Variants in TENM3 observed in about 807,000 individuals in gnomAD.
TENM3 encodes teneurin transmembrane protein 3.
TENM3 carries 63 observed loss-of-function variants against 255.1 expected under a neutral mutation model. That is an observed-to-expected ratio of 0.25 (90% CI 0.20 to 0.30). TENM3 has a LOEUF of 0.30. Among genes scored for constraint, TENM3 ranks in the 10% least tolerant of loss-of-function variants. The probability of loss-of-function intolerance (pLI) is 1.00; values close to 1 mark genes in which losing one functional copy is unlikely to be tolerated. For synonymous variants in TENM3, 1,306 were observed against 1,322.3 expected (o/e 0.99, Z 0.27); for missense variants, 2,929 against 3,461.1 (o/e 0.85, Z 3.86).
chr4:182,158,125 C>T (rs146080866), intron 1 of TENM3, among the ~76,000 whole-genome samples: 6 of 152,252 alleles, frequency 3.9e-5, no homozygotes, highest in African/African-American at 9.6e-5. Flanking sequence ...AAAGGGCACA[C>T]GCTTTCTCCA....
At chr4:182,494,337 A>G (rs1352770311) in intron 3 of TENM3, among the ~76,000 whole-genome samples, 1 of 152,296 alleles carries the variant, frequency 6.6e-6, no homozygotes, top group East Asian at 1.9e-4. Flanking sequence ...AATAAAGTGC[A>G]TACAGTACAG....
the TENM3 span, among the ~76,000 whole-genome samples, chr4:181,469,088 C>T: frequency 1.3e-5 from 2 of 152,096 alleles, no homozygotes; most frequent in Admixed American, 6.6e-5. Context: ...ATTTTTTGAT[C>T]GAGTGGCTTT....
chr4:181,985,661 G>A, the TENM3 span, among the ~76,000 whole-genome samples: 1 of 152,138 alleles, frequency 6.6e-6, no homozygotes, highest in East Asian at 1.9e-4. Context: ...TTAGCAAATC[G>A]AATTTTTGTC....
At chr4:182,207,005 T>G (rs1305973456) in intron 1 of TENM3, among the ~76,000 whole-genome samples, 3 of 152,226 alleles carry the variant, frequency 2.0e-5, no homozygotes, top group Non-Finnish European at 4.4e-5. Flanking sequence ...CTAAATCATC[T>G]GGCAAATGGT....
chr4:182,724,565 A>T (rs1282878908), intron 13 of TENM3, among the ~76,000 whole-genome samples: 1 of 152,206 alleles, frequency 6.6e-6, no homozygotes, highest in African/African-American at 2.4e-5. Context: ...TTTCCAACTG[A>T]TTAGTTCAGA....
chr4:182,253,548 T>C (rs1758179718), intron 1 of TENM3, among the ~76,000 whole-genome samples: 1 of 152,210 alleles, frequency 6.6e-6, no homozygotes, highest in South Asian at 2.1e-4. Context: ...TCAGGCTGAA[T>C]AGACCACTTT....
upstream of TENM3, chr4:182,143,364 C>G (rs1220609637): frequency 6.0e-6 from 1 of 166,954 alleles, no homozygotes; most frequent in African/African-American, 2.4e-5. The surrounding 1 kb of genome is among the most constrained non-coding windows in gnomAD (Gnocchi z 4.3). Flanking sequence ...GCTTTTCGGT[C>G]TCGGACGAAA....
chr4:181,546,643 G>A, the TENM3 span, among the ~76,000 whole-genome samples: 2,532 of 137,778 alleles, frequency 0.018, 43 homozygotes, highest in South Asian at 0.059. Flanking sequence ...GAACCCGGGA[G>A]GCAGAGCTTG....
the TENM3 span, among the ~76,000 whole-genome samples, chr4:181,684,167 G>T: frequency 1.3e-5 from 2 of 152,090 alleles, no homozygotes; most frequent in East Asian, 3.9e-4. Flanking sequence ...TTTAACCTGC[G>T]TCCCAGATCC....
intron 1 of TENM3, among the ~76,000 whole-genome samples, chr4:182,299,990 A>C (rs374880036): frequency 6.6e-5 from 10 of 150,790 alleles, no homozygotes; most frequent in African/African-American, 2.4e-4. Flanking sequence ...ATCTTGGCTT[A>C]ATGCGGCCTC....
intron 1 of TENM3, among the ~76,000 whole-genome samples, chr4:182,270,192 G>A (rs1363083448): frequency 1.3e-5 from 2 of 152,116 alleles, no homozygotes; most frequent in Non-Finnish European, 2.9e-5. Flanking sequence ...TGTCTCTTCA[G>A]ACCTTAGAAG....
the TENM3 span, among the ~76,000 whole-genome samples, chr4:181,464,640 T>A: frequency 6.6e-6 from 1 of 152,154 alleles, no homozygotes; most frequent in Non-Finnish European, 1.5e-5. Context: ...GAAGCATATT[T>A]TTTTTTCAAT....
the TENM3 span, among the ~76,000 whole-genome samples, chr4:181,546,452 A>C: frequency 4.0e-5 from 6 of 150,640 alleles, no homozygotes; most frequent in African/African-American, 1.5e-4. Flanking sequence ...GCGGTGGCTC[A>C]CGCCTGTAAT....
chr4:181,452,764 A>G, the TENM3 span, among the ~76,000 whole-genome samples: 138 of 152,206 alleles, frequency 9.1e-4, no homozygotes, highest in Non-Finnish European at 1.6e-3. Flanking sequence ...GCATAGTCCT[A>G]AAAAGGAAAA....
chr4:181,630,141 G>T, the TENM3 span, among the ~76,000 whole-genome samples: 26,593 of 152,036 alleles, frequency 0.17, 2,470 homozygotes, highest in South Asian at 0.26. Context: ...GTTTATAGTA[G>T]TCTCTGATGG....
intron 19 of TENM3, among the ~76,000 whole-genome samples, chr4:182,745,998 A>G (rs1438445097): frequency 6.6e-6 from 1 of 152,192 alleles, no homozygotes; most frequent in Non-Finnish European, 1.5e-5. Context: ...TTTATGTGCC[A>G]TGCATGAAGA....
intron 1 of TENM3, among the ~76,000 whole-genome samples, chr4:182,279,673 T>C (rs906591480): frequency 6.6e-6 from 1 of 152,238 alleles, no homozygotes; most frequent in South Asian, 2.1e-4. Context: ...ATTATTATGA[T>C]TATCTTTTTT....
intron 3 of TENM3, among the ~76,000 whole-genome samples, chr4:182,531,105 A>G (rs1391487162): frequency 6.6e-6 from 1 of 152,172 alleles, no homozygotes; most frequent in Non-Finnish European, 1.5e-5. Flanking sequence ...GGACCAGTGA[A>G]GAAGGCTGGG....
At chr4:181,525,637 T>A in the TENM3 span, among the ~76,000 whole-genome samples, 1 of 152,104 alleles carries the variant, frequency 6.6e-6, no homozygotes, top group Non-Finnish European at 1.5e-5. Context: ...TGTTACCTTT[T>A]CCCCCTGTGT....
Sources: allele counts gnomAD v4.1 joint callset (sites outside exome capture counted in the v4.1 genomes callset), GRCh38; gene constraint gnomAD v4.1.1; non-coding constraint Gnocchi (gnomAD v3.1); transcripts MANE v1.5; gene names NCBI Gene and HGNC (gene_info 2026-07-23, HGNC 2026-07-21).